ZNF184: variants seen among roughly 807,000 people sequenced by gnomAD.
The protein encoded by ZNF184 is zinc finger protein 184.
Under a neutral mutation model 54.4 loss-of-function variants are expected in ZNF184, and 16 were observed. The observed-to-expected ratio is 0.29, with a 90% CI of 0.20 to 0.45. The LOEUF is 0.45. Among genes scored for constraint, ZNF184 ranks in the 20% least tolerant of loss-of-function variants. The pLI, the probability that ZNF184 is intolerant of heterozygous loss-of-function variation, is 1.00. For missense variants in ZNF184, 681 were observed against 888.2 expected (o/e 0.77, Z 2.97); for synonymous variants, 254 against 295.3 (o/e 0.86, Z 1.43).
rs57965027 is a variant in ZNF184 at position 27,458,584 on chromosome 6, CAA to C, written c.76-1177_76-1176del. On this transcript the variant is annotated intron_variant, in intron 3 of 5. Transcript: ENST00000683788. ...ATCTCACCCCAGTTAGTCAAAAAGACAAAAAAAAAAATAACAAATGCTGGCAA... is the reference window on the plus strand; with the variant it reads ...ATCTCACCCCAGTTAGTCAAAAAGACAAAAAAAAATAACAAATGCTGGCAA... Among the ~76,000 whole-genome samples, 95 of 147,838 alleles carry C rather than the reference CAA, an allele frequency of 6.4e-4. 1 individual carries two copies. The highest frequency in any genetic ancestry group is 1.8e-3 in the African/African-American group (70 of 39,974).
intron 5 of ZNF184, among the ~76,000 whole-genome samples, chr6:27,455,845 A>C (rs1331505121): frequency 6.6e-6 from 1 of 152,140 alleles, no homozygotes; most frequent in Non-Finnish European, 1.5e-5. Flanking sequence ...GCTTACCTAG[A>C]ATGACTAGGT....
At chr6:27,432,106 C>A in the ZNF184 span, among the ~76,000 whole-genome samples, 1 of 152,048 alleles carries the variant, frequency 6.6e-6, no homozygotes, top group African/African-American at 2.4e-5. The surrounding 1 kb of genome is among the most constrained non-coding windows in gnomAD (Gnocchi z 4.0). Context: ...CCCACCCCCA[C>A]CTTGCTAGGA....
chr6:27,430,752 A>G, the ZNF184 span, among the ~76,000 whole-genome samples: 1 of 152,226 alleles, frequency 6.6e-6, no homozygotes, highest in Admixed American at 6.5e-5. Context: ...ATTTGTGGCA[A>G]TTTATTGCAG....
the ZNF184 span, among the ~76,000 whole-genome samples, chr6:27,408,621 A>G: frequency 6.6e-6 from 1 of 152,216 alleles, no homozygotes; most frequent in South Asian, 2.1e-4. Context: ...GAAATGATAC[A>G]CTGCTAGCTT....
At chr6:27,468,486 CAT>C (rs1763197687) in intron 2 of ZNF184, among the ~76,000 whole-genome samples, 1 of 152,158 alleles carries the variant, frequency 6.6e-6, no homozygotes, top group Non-Finnish European at 1.5e-5. Flanking sequence ...CTAAGCTAAA[CAT>C]ATGACTATCC....
chr6:27,408,640 A>G, the ZNF184 span, among the ~76,000 whole-genome samples: 1 of 152,214 alleles, frequency 6.6e-6, no homozygotes, highest in South Asian at 2.1e-4. Flanking sequence ...TTAAGTGATT[A>G]ATCTTTTTCA....
At chr6:27,435,404 G>A in the ZNF184 span, among the ~76,000 whole-genome samples, 1 of 152,052 alleles carries the variant, frequency 6.6e-6, no homozygotes, top group Admixed American at 6.5e-5. Context: ...TTATGCAATT[G>A]TTAAGTACAA....
Position 27,452,230 on chromosome 6 carries a change from C to T in ZNF184, c.1329G>A (p.Glu443=). 1 of 1,614,034 alleles carries T rather than the reference C, an allele frequency of 6.2e-7. No homozygotes were observed. The highest frequency in any genetic ancestry group is 8.5e-7 in the Non-Finnish European group (1 of 1,179,996). Reference sequence around the variant, plus strand: ...CACATTCTGCACAATCATAGGGTTTCTCCCCAGTATGAGTTTTTTGATGCT... The same window carrying T: ...CACATTCTGCACAATCATAGGGTTTTTCCCCAGTATGAGTTTTTTGATGCT... ...LTQHQKTHTG[E]KPYDCAECGK... is the part of the protein sequence containing the mutation. The change falls in exon 6 of 6, where the codon GAG becomes GAA. Residue 443 remains glutamate, a synonymous_variant. Coordinates refer to ENST00000683788, the MANE Select transcript of ZNF184 (RefSeq NM_001318891.2). This position sits in a 1 kb window ranked among gnomAD's most constrained non-coding sequence, Gnocchi z 5.5.
At chr6:27,409,172 A>G in the ZNF184 span, among the ~76,000 whole-genome samples, 2 of 152,216 alleles carry the variant, frequency 1.3e-5, no homozygotes, top group African/African-American at 2.4e-5. Context: ...TATAAGATAG[A>G]TAGAGACTTA....
At chr6:27,441,298 C>A in the ZNF184 span, among the ~76,000 whole-genome samples, 1 of 152,182 alleles carries the variant, frequency 6.6e-6, no homozygotes, top group Admixed American at 6.5e-5. Flanking sequence ...TGACTGCAAC[C>A]TCCACCTCCC....
intron 3 of ZNF184, among the ~76,000 whole-genome samples, chr6:27,465,484 C>CAAAAAAAAA (rs60538455): frequency 1.3e-3 from 44 of 35,156 alleles, no homozygotes; most frequent in African/African-American, 1.6e-3. Context: ...GACTCCATCT[C>CAAAAAAAAA]AAAAAAAAAA....
the ZNF184 span, among the ~76,000 whole-genome samples, chr6:27,433,569 A>T: frequency 1.3e-5 from 2 of 152,172 alleles, no homozygotes; most frequent in Non-Finnish European, 2.9e-5. Context: ...TAGATACCTC[A>T]CCTAAGTGGA....
At chr6:27,417,245 T>C in the ZNF184 span, among the ~76,000 whole-genome samples, 1 of 152,210 alleles carries the variant, frequency 6.6e-6, no homozygotes, top group Non-Finnish European at 1.5e-5. Context: ...AGCAAAAATG[T>C]CAAAAAATAT....
intron 5 of ZNF184, among the ~76,000 whole-genome samples, chr6:27,454,267 A>T (rs906367235): frequency 2.0e-5 from 3 of 152,156 alleles, no homozygotes; most frequent in Non-Finnish European, 4.4e-5. Context: ...AGTCACTATC[A>T]CTACCACTAC....
the ZNF184 span, among the ~76,000 whole-genome samples, chr6:27,435,823 TC>T: frequency 4.0e-5 from 6 of 151,164 alleles, no homozygotes; most frequent in African/African-American, 1.5e-4. Flanking sequence ...CCTCTTTCTC[TC>T]CCGCTACCTG....
At chr6:27,424,478 G>A in the ZNF184 span, among the ~76,000 whole-genome samples, 4 of 152,114 alleles carry the variant, frequency 2.6e-5, no homozygotes, top group African/African-American at 9.7e-5. Context: ...GGCGCTGATT[G>A]GTGCGTTTAT....
chr6:27,412,613 C>A, the ZNF184 span, among the ~76,000 whole-genome samples: 1 of 152,144 alleles, frequency 6.6e-6, no homozygotes, highest in Non-Finnish European at 1.5e-5. Flanking sequence ...TTATCCTAAG[C>A]CAAATATGAG....
chr6:27,407,189 A>T, the ZNF184 span, among the ~76,000 whole-genome samples: 1 of 152,246 alleles, frequency 6.6e-6, no homozygotes, highest in Non-Finnish European at 1.5e-5. Context: ...GTCCCTGGGC[A>T]AATAGATAAC....
At chr6:27,414,275 C>G in the ZNF184 span, among the ~76,000 whole-genome samples, 2 of 152,200 alleles carry the variant, frequency 1.3e-5, no homozygotes, top group Non-Finnish European at 2.9e-5. Flanking sequence ...TAACCACCCC[C>G]ATCGCTCATA....
Sources: gnomAD v4.1 joint callset for allele counts (sites outside exome capture counted in the v4.1 genomes callset) on GRCh38, gnomAD v4.1.1 for gene constraint, Gnocchi (gnomAD v3.1) non-coding constraint, MANE v1.5 for transcripts, NCBI Gene and HGNC (gene_info 2026-07-23, HGNC 2026-07-21) for gene names.